GNPTAB: variants seen among roughly 807,000 people sequenced by gnomAD.
GNPTAB encodes the protein N-acetylglucosamine-1-phosphate transferase subunits alpha and beta.
A neutral mutation model predicts 136.6 loss-of-function variants in GNPTAB; 92 were observed. That is an observed-to-expected ratio of 0.67 (90% CI 0.57 to 0.80). The LOEUF (loss-of-function observed/expected upper bound fraction) is 0.80. Ranked by LOEUF, GNPTAB falls within the 30% of genes least tolerant of loss-of-function variation. GNPTAB has a pLI of 0.00. For missense variants in GNPTAB, 1,343 were observed against 1,501.8 expected, an observed-to-expected ratio of 0.89 and a Z score of 1.75; for synonymous variants, 512 against 535.1, an observed-to-expected ratio of 0.96 and a Z score of 0.60.
intron 7 of GNPTAB, among the ~76,000 whole-genome samples, chr12:101,775,731 C>T (rs2137131137): frequency 6.6e-6 from 1 of 151,840 alleles, no homozygotes; most frequent in South Asian, 2.1e-4. Context: ...GTTGTTTCAT[C>T]TTTATTTTAG....
At chr12:101,767,032 C>T (rs1380382250) in intron 11 of GNPTAB, among the ~76,000 whole-genome samples, 1 of 152,238 alleles carries the variant, frequency 6.6e-6, no homozygotes, top group African/African-American at 2.4e-5. Flanking sequence ...CTGGTCTACA[C>T]AGATCTACTT....
chr12:101,761,172 G>A lies in GNPTAB; in HGVS notation c.3090C>T (p.Ile1030=), dbSNP rs764696927. ...CGTGAATTCTGGTAGCCAGTGTTCGGATTTCTCTGTCAGACAAGACACCAG... is the reference window on the plus strand; with the variant it reads ...CGTGAATTCTGGTAGCCAGTGTTCGAATTTCTCTGTCAGACAAGACACCAG... ...DQSGVLSDRE[I]RTLATRIHEL... The change falls in exon 15 of 21, where the codon ATC becomes ATT. Residue 1030 remains isoleucine, a synonymous_variant. Coordinates refer to ENST00000299314, the MANE Select transcript of GNPTAB (RefSeq NM_024312.5). 1.9e-5 allele frequency: 31 copies of A among 1,614,090 alleles called. No homozygotes were observed. The highest frequency in any genetic ancestry group is 2.5e-5 in the Non-Finnish European group (30 of 1,179,962).
chr12:101,747,170 T>C lies in GNPTAB; in HGVS notation c.3765A>G (p.Arg1255=), dbSNP rs1264177273. 6.4e-7 allele frequency: 1 copy of C among 1,563,084 alleles called. No homozygotes were observed. Among genetic ancestry groups the C allele is most frequent in the Non-Finnish European group, 8.8e-7 (1 of 1,133,426 alleles). ...GTTTTCAAATGAAGATCTTCTATACTCTGATTCGATTGGGACTAGCTTCTT... is the reference window on the plus strand; with the variant it reads ...GTTTTCAAATGAAGATCTTCTATACCCTGATTCGATTGGGACTAGCTTCTT... ...IHKEASPNRI[R]V is the part of the protein sequence containing the mutation. The change falls in exon 21 of 21, where the codon AGA becomes AGG. Residue 1255 remains arginine (R), a synonymous_variant. Transcript: ENST00000299314.
At position 101,788,641 on chromosome 12, in the gene GNPTAB, C is replaced by T. The variant is rs570584274; in HGVS notation, c.324-52G>A. 61 of 899,000 alleles carry T rather than the reference C, an allele frequency of 6.8e-5. No individual in the cohort carries two copies. The South Asian group carries it at 7.1e-4, about 10-fold the overall frequency. 55.7% of individuals were successfully genotyped at this position (899,000 alleles called of 1,614,324 possible). ...ACATACATATGGGCTACTATACCTC[C>T]CACTGTAACCAAGACGGTTTGCTTA... is the stretch of plus-strand genomic sequence containing the variant. On this transcript the variant is annotated intron_variant, in intron 3 of 20. Coordinates refer to ENST00000299314, the MANE Select transcript of GNPTAB (RefSeq NM_024312.5).
chr12:101,770,904 A>C, intron 8 of GNPTAB, 92 bp downstream of exon 8: 7 of 1,220,794 alleles, frequency 5.7e-6, no homozygotes, highest in African/African-American at 1.5e-5. Flanking sequence ...ACCTCTCTGT[A>C]AGTCCCCTTC....
At chr12:101,822,281 C>T (rs955472943) in intron 1 of GNPTAB, among the ~76,000 whole-genome samples, 26 of 152,106 alleles carry the variant, frequency 1.7e-4, no homozygotes, top group Non-Finnish European at 3.2e-4. Flanking sequence ...GGTGAGGTGG[C>T]GGGAGCCTGT....
chr12:101,821,056 TCAAAAAA>T (rs1870770012), intron 1 of GNPTAB, among the ~76,000 whole-genome samples: 2 of 114,720 alleles, frequency 1.7e-5, no homozygotes, highest in African/African-American at 3.3e-5. Flanking sequence ...AGACTCCGTC[TCAAAAAA>T]AAAAAAAAAA....
At position 101,764,534 on chromosome 12, in the gene GNPTAB, C is replaced by A. The variant is rs748604930; in HGVS notation, c.2383G>T (p.Val795Leu). ...LQRLTFPAVS[V>L]KVNGHDQGQN... ...CCCTGGTCATGACCATTCACTTTTA[C>A]ACTCACTGCAGGAAAAGTCAACCTC... Residue 795 changes from valine to leucine, a missense_variant, in exon 13 of 21, where the codon GTA becomes TTA. Val to Leu is a conservative substitution (Grantham distance 32, BLOSUM62 1). Transcript: ENST00000299314. 1.2e-6 allele frequency: 2 copies of A among 1,613,262 alleles called. No individual in the cohort carries two copies. The highest frequency in any genetic ancestry group is 8.5e-7 in the Non-Finnish European group (1 of 1,179,784).
chr12:101,748,047 C>T (rs1282248764), intron 20 of GNPTAB, among the ~76,000 whole-genome samples: 1 of 152,170 alleles, frequency 6.6e-6, no homozygotes, highest in Non-Finnish European at 1.5e-5. Context: ...ACAGCAGACT[C>T]AAAGGTTTCT....
chr12:101,783,066 T>C (rs1205828721), intron 5 of GNPTAB, among the ~76,000 whole-genome samples: 1 of 132,152 alleles, frequency 7.6e-6, no homozygotes, highest in Non-Finnish European at 1.6e-5. Flanking sequence ...CATTATCTTC[T>C]ATAAACTATG....
chr12:101,810,478 A>C (rs1409875933), intron 1 of GNPTAB: 1 of 141,582 alleles, frequency 7.1e-6, no homozygotes. Flanking sequence ...CATATATATA[A>C]ACTAAATCCA....
intron 7 of GNPTAB, chr12:101,779,776 C>T (rs1304038537): frequency 3.7e-6 from 1 of 267,312 alleles, no homozygotes; most frequent in Non-Finnish European, 7.3e-6. Flanking sequence ...GCTGCATCCC[C>T]AGCAGCTGTA....
At chr12:101,756,643 A>G (rs1334640933) in intron 18 of GNPTAB, 1 of 188,952 alleles carries the variant, frequency 5.3e-6, no homozygotes, top group Non-Finnish European at 1.1e-5. Flanking sequence ...ACTTCCCACT[A>G]AAGTTAAAAA....
At chr12:101,791,605 G>A (rs887429325) in intron 2 of GNPTAB, among the ~76,000 whole-genome samples, 1 of 152,158 alleles carries the variant, frequency 6.6e-6, no homozygotes, top group African/African-American at 2.4e-5. Flanking sequence ...TTTAGATAGT[G>A]CTATTTCAAG....
rs189239038 is a variant in GNPTAB at position 101,792,161 on chromosome 12, A to G, written c.204-2104T>C. Among the ~76,000 whole-genome samples the G allele has an allele frequency of 3.5e-3, 535 of 152,278 alleles. 4 individuals are homozygous for G. The highest frequency in any genetic ancestry group is 0.012 in the African/African-American group (505 of 41,548). On this transcript the variant is annotated intron_variant, in intron 2 of 20. Coordinates refer to ENST00000299314, the MANE Select transcript of GNPTAB (RefSeq NM_024312.5). The stretch of plus-strand genomic sequence containing the variant: ...GTAAGAAGGTGACATTTCAGCAAAG[A>G]TATGAAGGAAGTGAGGAAGCCAGCC...
Position 101,765,011 on chromosome 12 carries a change from T to C in GNPTAB, c.1906A>G (p.Arg636Gly). The C allele has an allele frequency of 1.2e-6, 2 of 1,614,218 alleles. No individual in the cohort carries two copies. The highest frequency in any genetic ancestry group is 1.7e-6 in the Non-Finnish European group (2 of 1,180,030). Reference sequence around the variant, plus strand: ...GTAGAATTCAGTTTTGGTCCCTCCCTTGTGTCCACCTCCACTGTTATCTGC... The same window carrying C: ...GTAGAATTCAGTTTTGGTCCCTCCCCTGTGTCCACCTCCACTGTTATCTGC... ...KMQITVEVDT[R>G]EGPKLNSTAQ... Residue 636 changes from arginine (R) to glycine (G), a missense_variant, in exon 13 of 21, where the codon AGG becomes GGG. Transcript: ENST00000299314.
At chr12:101,789,315 T>C (rs1422490600) in intron 3 of GNPTAB, among the ~76,000 whole-genome samples, 2 of 152,134 alleles carry the variant, frequency 1.3e-5, no homozygotes, top group Non-Finnish European at 2.9e-5. Flanking sequence ...CAAAAGTGGC[T>C]GAGTTCTCCT....
rs768579842 is a variant in GNPTAB, at chr12:101,765,237, A to C, written c.1680T>G (p.Gly560=). 1.2e-6 allele frequency: 2 copies of C among 1,613,942 alleles called. No homozygotes were observed. The highest frequency in any genetic ancestry group is 2.2e-5 in the South Asian group (2 of 91,078). Reference sequence around the variant, plus strand: ...CAAAGCTGAAATAAGGCAGGCATTCACCTTTTGGAATAATATAGTGAGTCT... The same window carrying C: ...CAAAGCTGAAATAAGGCAGGCATTCCCCTTTTGGAATAATATAGTGAGTCT... The part of the protein sequence containing the change: ...PNQTHYIIPK[G]ECLPYFSFAE... The change falls in exon 13 of 21, where the codon GGT becomes GGG. Residue 560 remains glycine (G), a synonymous_variant. Transcript: ENST00000299314.
At chr12:101,758,796 C>T (rs530201283) in intron 16 of GNPTAB, among the ~76,000 whole-genome samples, 131 of 152,308 alleles carry the variant, frequency 8.6e-4, no homozygotes, top group African/African-American at 3.1e-3. Context: ...TATCTGCAGT[C>T]ATTATTTATA....
Sources: gnomAD v4.1 joint callset for allele counts (sites outside exome capture counted in the v4.1 genomes callset) on GRCh38, gnomAD v4.1.1 for gene constraint, MANE v1.5 for transcripts, NCBI Gene and HGNC (gene_info 2026-07-23, HGNC 2026-07-21) for gene names.